The following TBC1D22A variants were observed in gnomAD, a reference collection of about 807,000 sequenced individuals.
TBC1D22A encodes the protein putative GTPase activator.
Under a neutral mutation model 60.2 loss-of-function variants are expected in TBC1D22A, and 38 were observed. The observed-to-expected ratio is 0.63, with a 90% CI of 0.49 to 0.83. TBC1D22A has a LOEUF of 0.83. TBC1D22A is among the 40% of genes least tolerant of loss of function. The probability of loss-of-function intolerance (pLI) is 0.00; values close to 1 mark genes in which losing one functional copy is unlikely to be tolerated. For synonymous variants in TBC1D22A, 302 were observed against 281.7 expected, an observed-to-expected ratio of 1.07 and a Z score of -0.72; for missense variants, 628 against 701.0, an observed-to-expected ratio of 0.90 and a Z score of 1.18.
chr22:46,985,901 C>T lies in TBC1D22A; in HGVS notation c.1125+11502C>T, dbSNP rs576785946. Among the ~76,000 whole-genome samples, 5 of 152,306 alleles carry T rather than the reference C, an allele frequency of 3.3e-5. No individual in the cohort carries two copies. The South Asian group carries it at 1.0e-3, about 32-fold the overall frequency. The stretch of plus-strand genomic sequence containing the variant: ...GTGGCTTGTCACTTCATTTCATTAA[C>T]AATGTCTTCTATGAGCCAACAGTTT... On this transcript the variant is annotated intron_variant, in intron 9 of 12. Coordinates refer to ENST00000337137, the MANE Select transcript of TBC1D22A (RefSeq NM_014346.5).
chr22:47,083,228 C>G (rs1204026905), intron 11 of TBC1D22A, among the ~76,000 whole-genome samples: 1 of 12,262 alleles, frequency 8.2e-5, no homozygotes, highest in Admixed American at 1.2e-3. Context: ...GTGGATTCCA[C>G]TGGTATATTC....
At chr22:46,994,873 A>C (rs997418820) in intron 9 of TBC1D22A, among the ~76,000 whole-genome samples, 1 of 152,218 alleles carries the variant, frequency 6.6e-6, no homozygotes, top group Admixed American at 6.5e-5. Context: ...TTAAAGGCTA[A>C]CCATTGCAAG....
intron 4 of TBC1D22A, among the ~76,000 whole-genome samples, chr22:46,838,053 C>T (rs527643654): frequency 1.3e-5 from 2 of 152,268 alleles, no homozygotes; most frequent in South Asian, 4.1e-4. Flanking sequence ...GAGTGAGACT[C>T]CGTCTCAAGA....
chr22:46,960,682 C>T (rs919480897), intron 8 of TBC1D22A, among the ~76,000 whole-genome samples: 7 of 152,236 alleles, frequency 4.6e-5, no homozygotes, highest in African/African-American at 1.7e-4. Context: ...CGTGGTGGCT[C>T]ATGCCTGTAA....
chr22:46,994,796 C>T (rs1247567501), intron 9 of TBC1D22A, among the ~76,000 whole-genome samples: 1 of 152,224 alleles, frequency 6.6e-6, no homozygotes, highest in Non-Finnish European at 1.5e-5. Flanking sequence ...ACTTGCAACA[C>T]ACAGTGTGCC....
intron 10 of TBC1D22A, among the ~76,000 whole-genome samples, chr22:47,013,850 A>G (rs2082744539): frequency 6.6e-6 from 1 of 151,864 alleles, no homozygotes; most frequent in Non-Finnish European, 1.5e-5. Flanking sequence ...GGACATTCCC[A>G]CTCTTCTCAG....
intron 11 of TBC1D22A, among the ~76,000 whole-genome samples, chr22:47,067,208 G>A (rs1022232060): frequency 5.3e-5 from 8 of 152,240 alleles, no homozygotes; most frequent in African/African-American, 1.9e-4. Context: ...GGAGGTTGCA[G>A]TGAGCCGAGA....
chr22:46,874,339 A>T (rs1041173910), intron 4 of TBC1D22A, among the ~76,000 whole-genome samples: 1 of 152,074 alleles, frequency 6.6e-6, no homozygotes, highest in Non-Finnish European at 1.5e-5. Flanking sequence ...TTCTGTCTCT[A>T]GGTCTTTGAG....
At chr22:46,906,964 G>A (rs2069526663) in intron 7 of TBC1D22A, among the ~76,000 whole-genome samples, 1 of 152,084 alleles carries the variant, frequency 6.6e-6, no homozygotes, top group African/African-American at 2.4e-5. Context: ...TTCTCTGTGT[G>A]TGTAGATTGG....
At chr22:46,845,211 T>A (rs972577839) in intron 4 of TBC1D22A, among the ~76,000 whole-genome samples, 5 of 152,254 alleles carry the variant, frequency 3.3e-5, no homozygotes, top group Non-Finnish European at 7.3e-5. Flanking sequence ...AATACCCAAC[T>A]TTCTCTCCTC....
At chr22:46,856,279 C>G (rs1364958428) in intron 4 of TBC1D22A, among the ~76,000 whole-genome samples, 1 of 152,216 alleles carries the variant, frequency 6.6e-6, no homozygotes, top group East Asian at 1.9e-4. Flanking sequence ...ATTATGCTTG[C>G]TGAAGCCAAT....
chr22:46,762,684 G>A lies in TBC1D22A; in HGVS notation c.-103G>A, dbSNP rs1601754272. 1.0e-6 allele frequency: 1 copy of A among 1,004,562 alleles called. No individual in the cohort carries two copies. The highest frequency in any genetic ancestry group is 1.4e-6 in the Non-Finnish European group (1 of 734,118). The allele number at this position is 1,004,562 out of a possible 1,614,324, so 62.2% of individuals were successfully genotyped here. A position where few individuals can be genotyped will look rare whatever the true frequency, so the allele number is the denominator to read the frequency against. ...TCTCGGCTCTAGGCTCTGGAGTCCCGGGAGCAGTGAGGGGCCACCCGGGGC... is the reference window on the plus strand; with the variant it reads ...TCTCGGCTCTAGGCTCTGGAGTCCCAGGAGCAGTGAGGGGCCACCCGGGGC... On this transcript the variant is annotated 5_prime_UTR_variant, in exon 1 of 13. Transcript: ENST00000337137.
chr22:47,028,477 G>T lies in TBC1D22A; in HGVS notation c.1202-8594G>T, dbSNP rs574803062. 1.5e-4 allele frequency among the ~76,000 whole-genome samples: 20 copies of T among 130,334 alleles called. 1 individual carries two copies. In the South Asian group the frequency reaches 5.2e-3, roughly 34 times the overall value. The allele number at this position is 130,334 out of a possible 152,430, so 85.5% of individuals were successfully genotyped here. A position where few individuals can be genotyped will look rare whatever the true frequency, so the allele number is the denominator to read the frequency against. On this transcript the variant is annotated intron_variant, in intron 10 of 12. Transcript: ENST00000337137. The surrounding 1 kb of genome is among the most constrained non-coding windows in gnomAD (Gnocchi z 4.4). ...CCCTGTCCCCCACGGCCCAGGTTCT[G>T]AGAGCGAGTGGTCGCATTCCTGTCC...
chr22:46,848,524 G>A (rs752891315), intron 4 of TBC1D22A, among the ~76,000 whole-genome samples: 1 of 152,188 alleles, frequency 6.6e-6, no homozygotes, highest in Non-Finnish European at 1.5e-5. Flanking sequence ...GAGACCTGGC[G>A]CAACAGGGAG....
At chr22:47,049,171 G>A (rs745910323) in intron 11 of TBC1D22A, among the ~76,000 whole-genome samples, 2 of 152,218 alleles carry the variant, frequency 1.3e-5, no homozygotes, top group African/African-American at 2.4e-5. Context: ...TCCTTTCCAG[G>A]CCCTACATGA....
At chr22:46,972,261 C>G (rs1234242344) in intron 8 of TBC1D22A, among the ~76,000 whole-genome samples, 1 of 152,208 alleles carries the variant, frequency 6.6e-6, no homozygotes, top group Admixed American at 6.5e-5. Context: ...CTTGTTTTCC[C>G]CTTTAATTCA....
intron 11 of TBC1D22A, among the ~76,000 whole-genome samples, chr22:47,051,758 C>T (rs1375417566): frequency 6.6e-6 from 1 of 152,254 alleles, no homozygotes; most frequent in Non-Finnish European, 1.5e-5. Context: ...CCCCTCCCTC[C>T]TCCTTTCCTT....
At chr22:46,936,367 A>G (rs989331457) in intron 8 of TBC1D22A, among the ~76,000 whole-genome samples, 36 of 152,186 alleles carry the variant, frequency 2.4e-4, no homozygotes, top group African/African-American at 8.7e-4. Context: ...GTGGTTCTGC[A>G]TGCCCTCGTG....
At chr22:47,076,486 C>A (rs1314149494) in intron 11 of TBC1D22A, among the ~76,000 whole-genome samples, 1 of 151,210 alleles carries the variant, frequency 6.6e-6, no homozygotes, top group African/African-American at 2.4e-5. Flanking sequence ...AATACCAAAT[C>A]CCCTGCATTT....
Sources: gnomAD v4.1 joint callset for allele counts (sites outside exome capture counted in the v4.1 genomes callset) on GRCh38, gnomAD v4.1.1 for gene constraint, Gnocchi (gnomAD v3.1) non-coding constraint, MANE v1.5 for transcripts, NCBI Gene and HGNC (gene_info 2026-07-23, HGNC 2026-07-21) for gene names.